PRKAR2A: variants seen among roughly 807,000 people sequenced by gnomAD.
The protein encoded by PRKAR2A is protein kinase cAMP-dependent type II regulatory subunit alpha.
Under a neutral mutation model 51.9 loss-of-function variants are expected in PRKAR2A, and 29 were observed. The ratio of observed to expected loss-of-function variants is 0.56; its 90% CI spans 0.42 to 0.76. The LOEUF (loss-of-function observed/expected upper bound fraction) is 0.76. Ranked by LOEUF, PRKAR2A falls within the 30% of genes least tolerant of loss-of-function variation. The probability of loss-of-function intolerance (pLI) is 0.00; values close to 1 mark genes in which losing one functional copy is unlikely to be tolerated. For missense variants in PRKAR2A, 445 were observed against 512.1 expected (o/e 0.87, Z 1.26); for synonymous variants, 178 against 186.2 (o/e 0.96, Z 0.36).
intron 1 of PRKAR2A, among the ~76,000 whole-genome samples, chr3:48,842,088 T>C (rs1450151324): frequency 6.6e-6 from 1 of 152,316 alleles, no homozygotes; most frequent in South Asian, 2.1e-4. Context: ...TTTTATTTCA[T>C]TGAGCAGTGG....
chr3:48,832,960 T>C (rs1032757096), intron 1 of PRKAR2A, among the ~76,000 whole-genome samples: 2 of 152,214 alleles, frequency 1.3e-5, no homozygotes, highest in African/African-American at 4.8e-5. Context: ...CAATCTGACC[T>C]TGCCCACATA....
chr3:48,834,853 T>C (rs1212965102), intron 1 of PRKAR2A, among the ~76,000 whole-genome samples: 1 of 149,392 alleles, frequency 6.7e-6, no homozygotes, highest in Non-Finnish European at 1.5e-5. Flanking sequence ...AATAAACTAA[T>C]AAAAAATAGA....
intron 5 of PRKAR2A, among the ~76,000 whole-genome samples, chr3:48,777,946 C>T (rs2082129874): frequency 6.6e-6 from 1 of 152,120 alleles, no homozygotes; most frequent in Non-Finnish European, 1.5e-5. Context: ...TAGCATTTAA[C>T]TTTGGAAGTG....
intron 9 of PRKAR2A, among the ~76,000 whole-genome samples, chr3:48,754,638 G>T (rs1456843424): frequency 6.6e-6 from 1 of 151,910 alleles, no homozygotes; most frequent in African/African-American, 2.4e-5. Flanking sequence ...GCTGGGCTTG[G>T]TGGTGGGAGC....
chr3:48,770,553 T>C (rs1176611362), intron 6 of PRKAR2A, among the ~76,000 whole-genome samples: 3 of 152,134 alleles, frequency 2.0e-5, no homozygotes, highest in East Asian at 1.9e-4. Context: ...AGAGGTGGTA[T>C]TGAAGCTTTG....
chr3:48,839,238 A>C (rs1401779488), intron 1 of PRKAR2A, among the ~76,000 whole-genome samples: 1 of 152,068 alleles, frequency 6.6e-6, no homozygotes, highest in Admixed American at 6.6e-5. Flanking sequence ...CAGTGAGCCA[A>C]GATCACATCA....
At chr3:48,843,859 G>C (rs969422392) in intron 1 of PRKAR2A, among the ~76,000 whole-genome samples, 2 of 151,284 alleles carry the variant, frequency 1.3e-5, no homozygotes, top group Non-Finnish European at 3.0e-5. Context: ...AGACTTAAAC[G>C]TTAGACCTAA....
In PRKAR2A at chr3:48,753,293, G is replaced by GTTT. The variant is rs145148583; in HGVS notation, c.940-979_940-977dup. ...TACTACATTATATTAATATCTAGAG[G>GTTT]TTTTTTTTTTTAACAAATCCAACTG... On this transcript the variant is annotated intron_variant, in intron 9 of 10. Coordinates refer to ENST00000265563, the MANE Select transcript of PRKAR2A (RefSeq NM_004157.4). Among the ~76,000 whole-genome samples the GTTT allele has an allele frequency of 6.2e-5, 9 of 144,984 alleles. No individual in the cohort carries two copies. In the South Asian group the frequency reaches 1.7e-3, roughly 28 times the overall value.
intron 2 of PRKAR2A, among the ~76,000 whole-genome samples, chr3:48,803,157 T>C (rs1296487379): frequency 6.6e-6 from 1 of 152,168 alleles, no homozygotes; most frequent in East Asian, 1.9e-4. Flanking sequence ...GGCTCACACC[T>C]GTAATCCCAA....
At chr3:48,772,557 A>AT (rs1311598413) in intron 6 of PRKAR2A, among the ~76,000 whole-genome samples, 1 of 152,034 alleles carries the variant, frequency 6.6e-6, no homozygotes, top group Non-Finnish European at 1.5e-5. Flanking sequence ...TTTTTCAATC[A>AT]TTGAGTCCCC....
At chr3:48,814,458 G>A (rs1473245776) in intron 1 of PRKAR2A, among the ~76,000 whole-genome samples, 6 of 152,098 alleles carry the variant, frequency 3.9e-5, no homozygotes, top group East Asian at 1.9e-4. Flanking sequence ...AGTTATTAAC[G>A]TTAACAGAGA....
At chr3:48,826,400 C>T (rs917835111) in intron 1 of PRKAR2A, among the ~76,000 whole-genome samples, 1 of 152,156 alleles carries the variant, frequency 6.6e-6, no homozygotes, top group African/African-American at 2.4e-5. Flanking sequence ...AATGAAGAGA[C>T]ATACGGCAAG....
chr3:48,802,696 C>G (rs1007482528), intron 2 of PRKAR2A, among the ~76,000 whole-genome samples: 4 of 152,152 alleles, frequency 2.6e-5, no homozygotes, highest in South Asian at 2.1e-4. Flanking sequence ...CAGCCAGACT[C>G]AGTCTCAGAA....
chr3:48,771,535 A>G (rs371101572), intron 6 of PRKAR2A, among the ~76,000 whole-genome samples: 4 of 152,124 alleles, frequency 2.6e-5, no homozygotes, highest in East Asian at 3.8e-4. Flanking sequence ...TCTTTCTTTC[A>G]ATTGTAGTTA....
At chr3:48,808,443 C>T (rs1325134287) in intron 1 of PRKAR2A, among the ~76,000 whole-genome samples, 4 of 152,178 alleles carry the variant, frequency 2.6e-5, no homozygotes, top group Admixed American at 6.6e-5. Context: ...TTAGTAGAGA[C>T]GGGGTTTCAC....
At chr3:48,818,420 A>G (rs1329014639) in intron 1 of PRKAR2A, among the ~76,000 whole-genome samples, 1 of 152,230 alleles carries the variant, frequency 6.6e-6, no homozygotes, top group African/African-American at 2.4e-5. Flanking sequence ...GGTAACAGTA[A>G]TAAGATTTCA....
At chr3:48,823,297 G>T (rs552448142) in intron 1 of PRKAR2A, among the ~76,000 whole-genome samples, 1 of 152,022 alleles carries the variant, frequency 6.6e-6, no homozygotes, top group African/African-American at 2.4e-5. Flanking sequence ...CTCATACTTG[G>T]GACTGGTGTC....
intron 8 of PRKAR2A, among the ~76,000 whole-genome samples, chr3:48,760,836 A>G (rs1019556669): frequency 1.8e-5 from 2 of 111,444 alleles, no homozygotes; most frequent in Non-Finnish European, 4.1e-5. Context: ...ACTCCGTCTC[A>G]AAAAAAAAAA....
chr3:48,789,847 C>T (rs2082355911), intron 4 of PRKAR2A, among the ~76,000 whole-genome samples: 1 of 151,780 alleles, frequency 6.6e-6, no homozygotes, highest in African/African-American at 2.4e-5. Flanking sequence ...CTCTCTCCCT[C>T]CCTTCCTTTT....
Sources: allele counts gnomAD v4.1 joint callset (sites outside exome capture counted in the v4.1 genomes callset), GRCh38; gene constraint gnomAD v4.1.1; transcripts MANE v1.5; gene names NCBI Gene and HGNC (gene_info 2026-07-23, HGNC 2026-07-21).